The following IMMP2L variants were observed in gnomAD, a reference collection of about 807,000 sequenced individuals.
The protein encoded by IMMP2L is mitochondrial inner membrane protease subunit 2.
Under a neutral mutation model 19.3 loss-of-function variants are expected in IMMP2L, and 18 were observed. That is an observed-to-expected ratio of 0.93 (90% confidence interval 0.64 to 1.38). The LOEUF (loss-of-function observed/expected upper bound fraction) is 1.38. Ranked by LOEUF, IMMP2L falls within the 40% of genes most tolerant of loss-of-function variation. The probability of loss-of-function intolerance (pLI) is 0.00; values close to 1 mark genes in which losing one functional copy is unlikely to be tolerated. For synonymous variants in IMMP2L, 76 were observed against 73.0 expected, an observed-to-expected ratio of 1.04 and a Z score of -0.21; for missense variants, 233 against 218.2, an observed-to-expected ratio of 1.07 and a Z score of -0.43.
intron 3 of IMMP2L, among the ~76,000 whole-genome samples, chr7:111,443,726 A>C (rs1465740685): frequency 6.6e-5 from 10 of 152,190 alleles, no homozygotes; most frequent in African/African-American, 2.4e-4. Flanking sequence ...TAATTCAAAT[A>C]TGTTCAGCTA....
At chr7:111,056,483 G>A (rs889966807) in intron 3 of IMMP2L, among the ~76,000 whole-genome samples, 2 of 152,184 alleles carry the variant, frequency 1.3e-5, no homozygotes, top group Non-Finnish European at 1.5e-5. Flanking sequence ...GTTTCAAGTA[G>A]CTATGTTAGA....
At chr7:110,952,925 C>T (rs959378579) in intron 4 of IMMP2L, among the ~76,000 whole-genome samples, 12 of 152,106 alleles carry the variant, frequency 7.9e-5, no homozygotes, top group African/African-American at 2.9e-4. Context: ...CATATCATTG[C>T]TACCCAATAA....
intron 4 of IMMP2L, among the ~76,000 whole-genome samples, chr7:110,944,977 T>C (rs1346341419): frequency 2.0e-5 from 3 of 151,970 alleles, no homozygotes; most frequent in African/African-American, 4.8e-5. Flanking sequence ...TGTGAAAATA[T>C]ACCTACCTGA....
intron 3 of IMMP2L, among the ~76,000 whole-genome samples, chr7:111,224,456 T>C (rs917830402): frequency 5.9e-5 from 9 of 152,068 alleles, no homozygotes; most frequent in African/African-American, 2.2e-4. Flanking sequence ...AAAGTAGAAG[T>C]ATCTAAGGAA....
intron 3 of IMMP2L, among the ~76,000 whole-genome samples, chr7:111,239,639 T>C (rs1415511272): frequency 6.6e-6 from 1 of 151,984 alleles, no homozygotes; most frequent in African/African-American, 2.4e-5. Context: ...TCTTTATCTC[T>C]GATGATCCTT....
intron 3 of IMMP2L, among the ~76,000 whole-genome samples, chr7:111,235,436 A>G (rs1256720299): frequency 6.6e-6 from 1 of 151,832 alleles, no homozygotes; most frequent in Non-Finnish European, 1.5e-5. Flanking sequence ...ATGCCATTGC[A>G]TTCCAGCCTG....
At chr7:111,503,010 C>T (rs1844463420) in intron 2 of IMMP2L, among the ~76,000 whole-genome samples, 1 of 151,102 alleles carries the variant, frequency 6.6e-6, no homozygotes, top group Non-Finnish European at 1.5e-5. Flanking sequence ...AAAAACCCTT[C>T]AAAAAATTAA....
At chr7:110,799,107 A>C (rs1479853498) in intron 5 of IMMP2L, among the ~76,000 whole-genome samples, 1 of 152,060 alleles carries the variant, frequency 6.6e-6, no homozygotes, top group Non-Finnish European at 1.5e-5. Context: ...GAACACTGCC[A>C]ATCTCAAATA....
intron 3 of IMMP2L, among the ~76,000 whole-genome samples, chr7:111,209,301 G>A (rs1318416261): frequency 2.0e-5 from 3 of 151,032 alleles, no homozygotes; most frequent in African/African-American, 7.3e-5. Flanking sequence ...CGAGGCTGAG[G>A]CAGGAGAATC....
At chr7:111,165,668 G>C (rs1005884361) in intron 3 of IMMP2L, among the ~76,000 whole-genome samples, 6 of 151,958 alleles carry the variant, frequency 3.9e-5, no homozygotes, top group African/African-American at 1.2e-4. Context: ...ATCAGGATAA[G>C]GATAATAGAC....
chr7:111,124,195 G>T, intron 3 of IMMP2L: 1 of 1,613,862 alleles, frequency 6.2e-7, no homozygotes. Flanking sequence ...CAAGTTCTAT[G>T]TCCATTCTGA....
At chr7:111,050,182 C>T (rs1049122950) in intron 3 of IMMP2L, among the ~76,000 whole-genome samples, 4 of 152,188 alleles carry the variant, frequency 2.6e-5, no homozygotes, top group African/African-American at 7.2e-5. Flanking sequence ...TGTCCTTTCA[C>T]GAAAACCTTT....
At chr7:111,546,793 A>G (rs1176273362) in intron 1 of IMMP2L, among the ~76,000 whole-genome samples, 1 of 152,204 alleles carries the variant, frequency 6.6e-6, no homozygotes. Context: ...AAGTAAATCC[A>G]GTGAATTTTG....
At chr7:111,283,269 T>C (rs749008392) in intron 3 of IMMP2L, among the ~76,000 whole-genome samples, 32 of 151,980 alleles carry the variant, frequency 2.1e-4, no homozygotes, top group Non-Finnish European at 3.8e-4. Context: ...TTACAGAACA[T>C]TGTGGTAAAT....
chr7:110,964,038 A>G (rs1271280050), intron 3 of IMMP2L, among the ~76,000 whole-genome samples: 1 of 151,170 alleles, frequency 6.6e-6, no homozygotes, highest in East Asian at 2.0e-4. Context: ...TTTATGATTT[A>G]AGAGTGTGGC....
intron 5 of IMMP2L, among the ~76,000 whole-genome samples, chr7:110,766,538 G>A (rs114525442): frequency 0.013 from 1,815 of 137,974 alleles, 38 homozygotes; most frequent in African/African-American, 0.048. Context: ...AGCCGAGATC[G>A]TACCACTGCA....
At chr7:111,192,637 T>C (rs1042022403) in intron 3 of IMMP2L, among the ~76,000 whole-genome samples, 1 of 152,106 alleles carries the variant, frequency 6.6e-6, no homozygotes. Flanking sequence ...AAGTGCCTTG[T>C]CCATCCAGAT....
At chr7:110,894,389 A>G (rs1015987181) in intron 4 of IMMP2L, among the ~76,000 whole-genome samples, 1 of 152,146 alleles carries the variant, frequency 6.6e-6, no homozygotes, top group Non-Finnish European at 1.5e-5. Flanking sequence ...TCCACATCTC[A>G]CCAGCACTTG....
At position 110,703,081 on chromosome 7, in the gene IMMP2L, T is replaced by C. The variant is rs544361617; in HGVS notation, c.409-39360A>G. Among the ~76,000 whole-genome samples the C allele has an allele frequency of 1.1e-4, 16 of 152,318 alleles. 2 individuals carry two copies. Among genetic ancestry groups the C allele is most frequent in the Admixed American group, 9.1e-4 (14 of 15,306 alleles). On this transcript the variant is annotated intron_variant, in intron 5 of 5. Coordinates refer to ENST00000405709, the MANE Select transcript of IMMP2L (RefSeq NM_032549.4). ...ACTATAATGTTGCTGTAGGTTTTTA[T>C]AGGTACCTTTTTCAGAATGCGGAAG...
Sources: allele counts gnomAD v4.1 joint callset (sites outside exome capture counted in the v4.1 genomes callset), GRCh38; gene constraint gnomAD v4.1.1; transcripts MANE v1.5; gene names NCBI Gene and HGNC (gene_info 2026-07-23, HGNC 2026-07-21).